The following SCAMP1 variants were observed in gnomAD, a reference collection of about 807,000 sequenced individuals.
The protein encoded by SCAMP1 is secretory carrier-associated membrane protein 1.
A neutral mutation model predicts 41.8 loss-of-function variants in SCAMP1; 15 were observed. The ratio of observed to expected loss-of-function variants is 0.36; its 90% confidence interval spans 0.24 to 0.55. SCAMP1 has a LOEUF of 0.55. SCAMP1 is among the 20% of genes least tolerant of loss of function. SCAMP1 has a pLI of 0.86. For synonymous variants in SCAMP1, 135 were observed against 136.8 expected (o/e 0.99, Z 0.09); for missense variants, 341 against 412.6 (o/e 0.83, Z 1.50).
intron 2 of SCAMP1, among the ~76,000 whole-genome samples, chr5:78,391,738 ACT>A (rs1463277585): frequency 6.6e-6 from 1 of 152,030 alleles, no homozygotes; most frequent in Non-Finnish European, 1.5e-5. Context: ...AGTGAACCAG[ACT>A]CTGTCTGCAA....
intron 5 of SCAMP1, 105 bp from the exon 6 acceptor site, chr5:78,421,696 A>G (rs765165417): frequency 1.1e-5 from 10 of 906,672 alleles, no homozygotes; most frequent in Non-Finnish European, 1.7e-5. Context: ...GGAGTAGAAT[A>G]CATTTGCTCT....
chr5:78,364,993 T>C (rs1474027218), intron 1 of SCAMP1, among the ~76,000 whole-genome samples: 1 of 151,078 alleles, frequency 6.6e-6, no homozygotes, highest in African/African-American at 2.4e-5. Context: ...CTGTACGTTG[T>C]GCACATGTAC....
Position 78,418,819 on chromosome 5 carries a change from G to C in SCAMP1, c.388G>C (p.Gly130Arg), listed in dbSNP as rs750834214. 7 of 1,572,498 alleles carry C rather than the reference G, an allele frequency of 4.5e-6. No homozygotes were observed. Among genetic ancestry groups the C allele is most frequent in the Non-Finnish European group, 5.2e-6 (6 of 1,158,912 alleles). ...ACCTCTTCCTAGCAATTTTCCTGTC[G>C]GACCTTGTTTCTATCAGGATTTTTC... ...WPPLPSNFPVGPCFYQDFSVD... is the reference protein window; with the variant it reads ...WPPLPSNFPVRPCFYQDFSVD... Residue 130 changes from glycine (G) to arginine (R), a missense_variant, in exon 5 of 9, where the codon GGA becomes CGA. By Grantham distance (125) the Gly-to-Arg change is moderately radical (BLOSUM62 -2). Transcript: ENST00000621999.
chr5:78,449,876 C>G, intron 6 of SCAMP1, 57 bp from the exon 7 acceptor site: 93 of 812,468 alleles, frequency 1.1e-4, no homozygotes, highest in Non-Finnish European at 1.6e-4. Flanking sequence ...GACGTTTTTC[C>G]CCTTCTTTCT....
chr5:78,453,400 A>G (rs11949342), intron 7 of SCAMP1, among the ~76,000 whole-genome samples: 66,397 of 149,192 alleles, frequency 0.45, 15,461 homozygotes, highest in Non-Finnish European at 0.5. Flanking sequence ...AGCTTTCTAC[A>G]TATGGCTAGC....
intron 1 of SCAMP1, among the ~76,000 whole-genome samples, chr5:78,377,427 T>C (rs1751093243): frequency 6.6e-6 from 1 of 152,198 alleles, no homozygotes; most frequent in Non-Finnish European, 1.5e-5. Flanking sequence ...AAAATGGGAA[T>C]AGGATTGGAT....
At chr5:78,438,451 C>T (rs1752823240) in intron 6 of SCAMP1, among the ~76,000 whole-genome samples, 3 of 152,148 alleles carry the variant, frequency 2.0e-5, no homozygotes, top group Admixed American at 2.0e-4. Context: ...ATTTTTATTT[C>T]TGCCTTCATT....
intron 7 of SCAMP1, among the ~76,000 whole-genome samples, chr5:78,450,327 A>G (rs934657439): frequency 6.6e-6 from 1 of 152,138 alleles, no homozygotes; most frequent in Non-Finnish European, 1.5e-5. Flanking sequence ...GGTCAGAGAG[A>G]TAGAGGGACC....
chr5:78,419,155 C>A (rs1035559939), intron 5 of SCAMP1, among the ~76,000 whole-genome samples: 1 of 152,102 alleles, frequency 6.6e-6, no homozygotes, highest in African/African-American at 2.4e-5. Context: ...AAGACAACTT[C>A]TCTGTCATGT....
At chr5:78,436,571 C>T (rs951026657) in intron 6 of SCAMP1, among the ~76,000 whole-genome samples, 10 of 152,232 alleles carry the variant, frequency 6.6e-5, no homozygotes, top group Admixed American at 5.2e-4. Context: ...CTGTTCTGTT[C>T]CATTGGTCTA....
chr5:78,443,653 C>CTTTTTTTTTTTTTTTTTTTTTTTTT (rs71613955), intron 6 of SCAMP1, among the ~76,000 whole-genome samples: 2 of 71,966 alleles, frequency 2.8e-5, no homozygotes, highest in African/African-American at 1.2e-4. Context: ...AGTGGTTTTG[C>CTTTTTTTTTTTTTTTTTTTTTTTTT]TTTTTTTTTT....
intron 8 of SCAMP1, among the ~76,000 whole-genome samples, chr5:78,461,335 C>G (rs1311748045): frequency 6.6e-6 from 1 of 152,114 alleles, no homozygotes; most frequent in African/African-American, 2.4e-5. Context: ...TTCAATCCAT[C>G]TTGAGTTAAT....
At chr5:78,372,892 T>C (rs914707473) in intron 1 of SCAMP1, among the ~76,000 whole-genome samples, 1 of 147,946 alleles carries the variant, frequency 6.8e-6, no homozygotes, top group Non-Finnish European at 1.5e-5. Flanking sequence ...TGCATTATTA[T>C]TTATTTTCTT....
chr5:78,457,553 C>T (rs1753450581), intron 7 of SCAMP1, among the ~76,000 whole-genome samples: 1 of 152,174 alleles, frequency 6.6e-6, no homozygotes, highest in Non-Finnish European at 1.5e-5. Flanking sequence ...CTCAGATCTC[C>T]AGCTGCGTGC....
chr5:78,468,560 C>T (rs1052032498), intron 8 of SCAMP1, among the ~76,000 whole-genome samples: 2 of 151,926 alleles, frequency 1.3e-5, no homozygotes, highest in African/African-American at 4.8e-5. Context: ...CCTTTTGGGA[C>T]CTGATTTTGA....
chr5:78,368,026 T>C (rs527816931), intron 1 of SCAMP1, among the ~76,000 whole-genome samples: 16 of 152,240 alleles, frequency 1.1e-4, no homozygotes, highest in South Asian at 2.1e-4. Flanking sequence ...TTCTTGCCCA[T>C]TGAAAATTGG....
rs1264366342 is a variant in SCAMP1 at position 78,419,400 on chromosome 5, T to C, written c.472+497T>C. On this transcript the variant is annotated intron_variant, in intron 5 of 8. Coordinates refer to ENST00000621999, the MANE Select transcript of SCAMP1 (RefSeq NM_004866.6). ...GTTTTCAATTGCGATACTTTTATTA[T>C]TGAAAGTGCTTAATTAATACAGGAC... is the stretch of plus-strand genomic sequence containing the variant. Among the ~76,000 whole-genome samples the C allele has an allele frequency of 2.0e-5, 3 of 152,206 alleles. No homozygotes were observed. The East Asian group carries it at 5.8e-4, about 29-fold the overall frequency.
At chr5:78,444,887 AC>A (rs1464824985) in intron 6 of SCAMP1, among the ~76,000 whole-genome samples, 4 of 152,118 alleles carry the variant, frequency 2.6e-5, no homozygotes, top group East Asian at 1.9e-4. Flanking sequence ...TTCCACTGTT[AC>A]CCCCATTTTG....
At chr5:78,407,016 AGAG>A (rs1282296948) in intron 2 of SCAMP1, among the ~76,000 whole-genome samples, 1 of 152,184 alleles carries the variant, frequency 6.6e-6, no homozygotes, top group Non-Finnish European at 1.5e-5. Flanking sequence ...GTTTGTCAGG[AGAG>A]GAGCTTACTG....
Sources: allele counts gnomAD v4.1 joint callset (sites outside exome capture counted in the v4.1 genomes callset), GRCh38; gene constraint gnomAD v4.1.1; transcripts MANE v1.5; gene names NCBI Gene and HGNC (gene_info 2026-07-23, HGNC 2026-07-21).